The following AP4E1 variants were observed in gnomAD, a reference collection of about 807,000 sequenced individuals.
AP4E1 encodes AP-4 complex subunit epsilon-1.
Under a neutral mutation model 128.2 loss-of-function variants are expected in AP4E1, and 56 were observed. The observed-to-expected ratio is 0.44, with a 90% confidence interval of 0.35 to 0.55. The LOEUF is 0.55. Ranked by LOEUF, AP4E1 falls within the 20% of genes least tolerant of loss-of-function variation. The pLI, the probability that AP4E1 is intolerant of heterozygous loss-of-function variation, is 0.00. For synonymous variants in AP4E1, 484 were observed against 473.1 expected, an observed-to-expected ratio of 1.02 and a Z score of -0.30; for missense variants, 1,324 against 1,307.7, an observed-to-expected ratio of 1.01 and a Z score of -0.19.
At chr15:51,001,942 G>A (rs897941428) in intron 20 of AP4E1, among the ~76,000 whole-genome samples, 1 of 152,022 alleles carries the variant, frequency 6.6e-6, no homozygotes. Context: ...ACAGTGGTGC[G>A]ATCTGAGCTC....
intron 15 of AP4E1, among the ~76,000 whole-genome samples, chr15:50,977,097 T>G (rs2064562057): frequency 6.6e-6 from 1 of 152,184 alleles, no homozygotes; most frequent in East Asian, 1.9e-4. Flanking sequence ...GAATTATAAT[T>G]GCCTAACCTG....
rs759723085 is a variant in AP4E1 at position 50,949,813 on chromosome 15, A to G, written c.1317-13A>G. 6.9e-6 allele frequency: 11 copies of G among 1,584,300 alleles called. No individual in the cohort carries two copies. The South Asian group carries it at 1.1e-4, about 16-fold the overall frequency. ...GCATTTGGAAGTGTACTTGTTCTTA[A>G]CACTGTGGACACATATGCTCCTGAT... On this transcript the variant is annotated splice_polypyrimidine_tract_variant and intron_variant, in intron 11 of 20. Transcript: ENST00000261842.
chr15:50,975,928 T>G (rs1261715401), intron 15 of AP4E1, among the ~76,000 whole-genome samples: 2 of 151,558 alleles, frequency 1.3e-5, no homozygotes, highest in African/African-American at 4.9e-5. Context: ...CTAGACAATA[T>G]AGCTTGACCC....
At chr15:50,987,641 A>G (rs988152310) in intron 16 of AP4E1, among the ~76,000 whole-genome samples, 1 of 152,142 alleles carries the variant, frequency 6.6e-6, no homozygotes, top group African/African-American at 2.4e-5. Flanking sequence ...CCTGAGTTCT[A>G]GTTTGATTGC....
intron 13 of AP4E1, among the ~76,000 whole-genome samples, chr15:50,956,426 C>G (rs1261329109): frequency 1.3e-5 from 2 of 152,064 alleles, no homozygotes; most frequent in African/African-American, 4.8e-5. Context: ...TCCATAAACA[C>G]CATTTAGGAA....
At chr15:50,954,363 C>T (rs2064188811) in intron 13 of AP4E1, among the ~76,000 whole-genome samples, 1 of 152,118 alleles carries the variant, frequency 6.6e-6, no homozygotes, top group South Asian at 2.1e-4. Context: ...CCAGTGAAAC[C>T]ATCTGGACTT....
At chr15:50,924,374 G>T (rs2063744332) in intron 4 of AP4E1, among the ~76,000 whole-genome samples, 1 of 151,980 alleles carries the variant, frequency 6.6e-6, no homozygotes, top group Non-Finnish European at 1.5e-5. Context: ...CTGGGTAAAT[G>T]AAGTCTTTAA....
chr15:50,962,017 A>AAATACAATAC (rs56115825), intron 14 of AP4E1, among the ~76,000 whole-genome samples: 10,887 of 150,908 alleles, frequency 0.072, 449 homozygotes, highest in African/African-American at 0.11. Context: ...ATAAATAAAT[A>AAATACAATAC]AATACAATAC....
chr15:50,949,311 G>A (rs1237005291), intron 11 of AP4E1, among the ~76,000 whole-genome samples: 2 of 151,628 alleles, frequency 1.3e-5, no homozygotes, highest in Non-Finnish European at 2.9e-5. Flanking sequence ...TACTCGGGAG[G>A]CTGAGGCAGG....
Position 50,915,554 on chromosome 15 carries a change from T to A in AP4E1, c.329T>A (p.Leu110His). 6.2e-7 allele frequency: 1 copy of A among 1,613,572 alleles called. No individual in the cohort carries two copies. Among genetic ancestry groups the A allele is most frequent in the Non-Finnish European group, 8.5e-7 (1 of 1,179,718 alleles). ...HAIKLAQQGN[L>H]LEKRVGYLAV... is the part of the protein sequence containing the mutation. ...ATCAAGTTAGCCCAACAAGGAAACC[T>A]CTTAGAAAAAAGAGTAGGTATGTAT... Residue 110 changes from leucine to histidine, a missense_variant, in exon 3 of 21, where the codon CTC becomes CAC. By Grantham distance (99) the Leu-to-His change is moderately conservative. Transcript: ENST00000261842.
At chr15:50,948,263 A>G in intron 11 of AP4E1, 104 bp downstream of exon 11, 1 of 1,396,470 alleles carries the variant, frequency 7.2e-7, no homozygotes, top group Non-Finnish European at 1.0e-6. Flanking sequence ...TCAGAGACCT[A>G]GCAATACTTT....
intron 16 of AP4E1, among the ~76,000 whole-genome samples, chr15:50,989,025 A>G (rs540501282): frequency 1.3e-5 from 2 of 152,224 alleles, no homozygotes; most frequent in South Asian, 2.1e-4. Context: ...AGCCCAGTTC[A>G]TAGTAAGTGA....
chr15:50,970,835 G>C lies in AP4E1; in HGVS notation c.1966+2458G>C, dbSNP rs575433505. Among the ~76,000 whole-genome samples, 3 of 152,276 alleles carry C rather than the reference G, an allele frequency of 2.0e-5. No individual in the cohort carries two copies. The South Asian group carries it at 6.2e-4, about 32-fold the overall frequency. Reference sequence around the variant, plus strand: ...CAGGCAGTGATTCTGTATCTTTTAAGTGGGGGAATTTGATCCATTTACATT... The same window carrying C: ...CAGGCAGTGATTCTGTATCTTTTAACTGGGGGAATTTGATCCATTTACATT... On this transcript the variant is annotated intron_variant, in intron 15 of 20. Transcript: ENST00000261842.
chr15:50,986,058 A>T (rs1595573371), intron 16 of AP4E1, among the ~76,000 whole-genome samples: 1 of 151,434 alleles, frequency 6.6e-6, no homozygotes, highest in Non-Finnish European at 1.5e-5. Flanking sequence ...TAGGTATTTT[A>T]TTCTCTTTGA....
chr15:50,928,472 G>C (rs1031734227), intron 5 of AP4E1, among the ~76,000 whole-genome samples: 1 of 152,058 alleles, frequency 6.6e-6, no homozygotes, highest in Non-Finnish European at 1.5e-5. Context: ...ATTTTTAGTA[G>C]AGACAGGGTT....
intron 8 of AP4E1, among the ~76,000 whole-genome samples, chr15:50,936,314 GAA>G (rs2063907703): frequency 6.6e-6 from 1 of 151,562 alleles, no homozygotes. Context: ...ATAAGGGTTT[GAA>G]AGTCTTTCGG....
At chr15:50,940,902 G>A (rs186952725) in intron 8 of AP4E1, among the ~76,000 whole-genome samples, 25 of 152,172 alleles carry the variant, frequency 1.6e-4, no homozygotes, top group Non-Finnish European at 2.9e-4. Flanking sequence ...TATGAGTAGG[G>A]ACTGTATCTT....
chr15:50,935,589 G>A (rs879898455), intron 8 of AP4E1, among the ~76,000 whole-genome samples: 1 of 152,134 alleles, frequency 6.6e-6, no homozygotes, highest in Non-Finnish European at 1.5e-5. Context: ...TGCTCTGGAG[G>A]ACAACAGTAG....
At chr15:51,000,956 A>G (rs2064953871) in intron 19 of AP4E1, 70 bp from the exon 20 acceptor site, 3 of 1,200,792 alleles carry the variant, frequency 2.5e-6, no homozygotes, top group Admixed American at 3.7e-5. Flanking sequence ...CTCATGAGGC[A>G]TTTGAAATTT....
Sources: gnomAD v4.1 joint callset for allele counts (sites outside exome capture counted in the v4.1 genomes callset) on GRCh38, gnomAD v4.1.1 for gene constraint, MANE v1.5 for transcripts, NCBI Gene and HGNC (gene_info 2026-07-23, HGNC 2026-07-21) for gene names.